TRPM6: variants seen among roughly 807,000 people sequenced by gnomAD.
TRPM6 encodes channel kinase 2.
In TRPM6, 111 loss-of-function variants were observed where a neutral mutation model predicts 247.6. That is an observed-to-expected ratio of 0.45 (90% CI 0.38 to 0.52). The LOEUF is 0.52. Among genes scored for constraint, TRPM6 ranks in the 20% least tolerant of loss-of-function variants. The pLI, the probability that TRPM6 is intolerant of heterozygous loss-of-function variation, is 0.00. For synonymous variants in TRPM6, 892 were observed against 853.8 expected, an observed-to-expected ratio of 1.04 and a Z score of -0.78; for missense variants, 2,126 against 2,421.5, an observed-to-expected ratio of 0.88 and a Z score of 2.56.
chr9:74,878,126 C>A (rs1342071401), intron 1 of TRPM6, among the ~76,000 whole-genome samples: 1 of 152,146 alleles, frequency 6.6e-6, no homozygotes, highest in Non-Finnish European at 1.5e-5. Flanking sequence ...GGCCTGGGGA[C>A]TGACCCACCT....
intron 33 of TRPM6, 109 bp from the exon 34 acceptor site, chr9:74,740,118 G>A (rs1229550538): frequency 1.6e-6 from 2 of 1,237,872 alleles, no homozygotes. Flanking sequence ...AATGACCAGA[G>A]GAGAATGGGA....
intron 11 of TRPM6, among the ~76,000 whole-genome samples, chr9:74,813,707 A>T (rs763622920): frequency 6.6e-6 from 1 of 152,254 alleles, no homozygotes; most frequent in Non-Finnish European, 1.5e-5. Context: ...CAAAACAAAC[A>T]GATCAAAAAA....
At chr9:74,768,839 T>G (rs1826914911) in intron 25 of TRPM6, among the ~76,000 whole-genome samples, 1 of 152,210 alleles carries the variant, frequency 6.6e-6, no homozygotes, top group Admixed American at 6.5e-5. Context: ...TTTGTCCACC[T>G]AAAATCCTTC....
Position 74,742,576 on chromosome 9 carries a change from G to C in TRPM6, c.5185C>G (p.Pro1729Ala). 1.2e-6 allele frequency: 2 copies of C among 1,613,914 alleles called. No homozygotes were observed. Among genetic ancestry groups the C allele is most frequent in the Non-Finnish European group, 1.7e-6 (2 of 1,179,930 alleles). Reference sequence around the variant, plus strand: ...TGCTACTCACCAAACAGTTGGACTGGTGTAAATGGTATGGTCTGAGAAAGC... The same window carrying C: ...TGCTACTCACCAAACAGTTGGACTGCTGTAAATGGTATGGTCTGAGAAAGC... Reference protein sequence around the residue: ...MRLSQTIPFTPVQLFAGEEIT... With the variant: ...MRLSQTIPFTAVQLFAGEEIT... The change falls in exon 33 of 39, where the codon CCA becomes GCA. Residue 1729 changes from proline (P) to alanine (A), a missense_variant. This residue lies in a region of TRPM6 where 327 missense variants were observed against 397.7 expected (regional missense o/e 0.82). Transcript: ENST00000360774.
chr9:74,784,442 A>G (rs1354943261), intron 21 of TRPM6, among the ~76,000 whole-genome samples: 1 of 152,176 alleles, frequency 6.6e-6, no homozygotes, highest in Non-Finnish European at 1.5e-5. Flanking sequence ...TAATAATACT[A>G]CCTATCTCCT....
At chr9:74,812,656 G>A (rs1409393042) in intron 11 of TRPM6, among the ~76,000 whole-genome samples, 1 of 151,988 alleles carries the variant, frequency 6.6e-6, no homozygotes, top group Non-Finnish European at 1.5e-5. Context: ...CTTGGAGGCT[G>A]AGGCAGGTGG....
chr9:74,885,253 C>A (rs989824628), intron 1 of TRPM6, among the ~76,000 whole-genome samples: 1 of 152,088 alleles, frequency 6.6e-6, no homozygotes, highest in African/African-American at 2.4e-5. Flanking sequence ...TTCAGAGGAT[C>A]TATGGAAGGA....
intron 3 of TRPM6, among the ~76,000 whole-genome samples, chr9:74,852,307 T>C (rs898062398): frequency 2.6e-5 from 4 of 151,842 alleles, no homozygotes; most frequent in Non-Finnish European, 5.9e-5. Context: ...TCCCCCAGCC[T>C]CAATCTCCTG....
At chr9:74,822,142 A>G (rs1027510198) in intron 7 of TRPM6, among the ~76,000 whole-genome samples, 4 of 152,272 alleles carry the variant, frequency 2.6e-5, no homozygotes, top group African/African-American at 7.2e-5. Flanking sequence ...GGAAACTCCC[A>G]AAGTATCTAA....
At chr9:74,803,082 T>C (rs1828399971) in intron 15 of TRPM6, among the ~76,000 whole-genome samples, 1 of 152,234 alleles carries the variant, frequency 6.6e-6, no homozygotes, top group Admixed American at 6.5e-5. Context: ...ATAATCCATT[T>C]CCTCTATTTC....
At chr9:74,745,877 G>GA (rs1206040204) in intron 31 of TRPM6, among the ~76,000 whole-genome samples, 3 of 152,132 alleles carry the variant, frequency 2.0e-5, no homozygotes, top group East Asian at 3.9e-4. Context: ...GCTGTTTCTG[G>GA]AAAAAAGACT....
chr9:74,755,308 A>G lies in TRPM6; in HGVS notation c.4906+45T>C, dbSNP rs371300302. ...GGTCTAAAGACCGTACCCTGAGAAA[A>G]CCCCACCAGGGTTTTTGGGATCCAA... On this transcript the variant is annotated intron_variant, in intron 28 of 38. Coordinates refer to ENST00000360774, the MANE Select transcript of TRPM6 (RefSeq NM_017662.5). 15 of 1,610,806 alleles carry G rather than the reference A, an allele frequency of 9.3e-6. No individual in the cohort carries two copies. The East Asian group carries it at 1.1e-4, about 12-fold the overall frequency.
At chr9:74,754,234 T>G (rs1318654655) in intron 28 of TRPM6, among the ~76,000 whole-genome samples, 2 of 152,154 alleles carry the variant, frequency 1.3e-5, no homozygotes, top group African/African-American at 2.4e-5. Context: ...TCACGCTATA[T>G]CTATAAATTG....
chr9:74,859,760 C>T (rs1378910155), intron 1 of TRPM6, among the ~76,000 whole-genome samples: 5 of 145,830 alleles, frequency 3.4e-5, no homozygotes, highest in East Asian at 4.0e-4. Flanking sequence ...GGTGGCAGAG[C>T]GAGACTCTGT....
chr9:74,801,567 T>G (rs1587521769), intron 16 of TRPM6, among the ~76,000 whole-genome samples: 1 of 152,192 alleles, frequency 6.6e-6, no homozygotes, highest in Admixed American at 6.5e-5. Flanking sequence ...TAATTTAGCA[T>G]CAAAGACTTC....
At chr9:74,851,067 TTC>T (rs1317125530) in intron 3 of TRPM6, among the ~76,000 whole-genome samples, 2 of 152,130 alleles carry the variant, frequency 1.3e-5, no homozygotes, top group African/African-American at 4.8e-5. Context: ...TATATTTCTA[TTC>T]TGATTATCTA....
chr9:74,776,847 C>A (rs1219753916), intron 23 of TRPM6, among the ~76,000 whole-genome samples: 3 of 152,104 alleles, frequency 2.0e-5, no homozygotes, highest in Non-Finnish European at 4.4e-5. Flanking sequence ...AATTTAGTTT[C>A]TTTTTAAAAC....
intron 23 of TRPM6, 28 bp from the exon 24 acceptor site, chr9:74,776,104 T>G: frequency 6.3e-7 from 1 of 1,576,142 alleles, no homozygotes; most frequent in Non-Finnish European, 8.7e-7. Flanking sequence ...AGAGGGACAA[T>G]GTTTTAATAT....
intron 36 of TRPM6, among the ~76,000 whole-genome samples, chr9:74,736,027 C>A (rs1177074416): frequency 1.3e-5 from 2 of 152,206 alleles, no homozygotes; most frequent in African/African-American, 4.8e-5. Context: ...CCAACAGGAC[C>A]ACACAGCTGA....
Sources: gnomAD v4.1 joint callset for allele counts (sites outside exome capture counted in the v4.1 genomes callset) on GRCh38, gnomAD v4.1.1 for gene constraint, gnomAD v4.1.1 regional missense constraint, MANE v1.5 for transcripts, NCBI Gene and HGNC (gene_info 2026-07-23, HGNC 2026-07-21) for gene names.